The following MYCBP2 variants were observed in gnomAD, a reference collection of about 807,000 sequenced individuals.
MYCBP2 encodes MYC binding protein 2.
Under a neutral mutation model 525.3 loss-of-function variants are expected in MYCBP2, and 120 were observed. The observed-to-expected ratio is 0.23, with a 90% CI of 0.20 to 0.27. MYCBP2 has a LOEUF of 0.27. Ranked by LOEUF, MYCBP2 falls within the 10% of genes least tolerant of loss-of-function variation. The pLI, the probability that MYCBP2 is intolerant of heterozygous loss-of-function variation, is 1.00. For synonymous variants in MYCBP2, 1,894 were observed against 1,955.8 expected (o/e 0.97, Z 0.83); for missense variants, 4,149 against 5,657.1 (o/e 0.73, Z 8.55).
intron 14 of MYCBP2, among the ~76,000 whole-genome samples, chr13:77,252,947 A>C (rs1187751264): frequency 6.6e-6 from 1 of 152,098 alleles, no homozygotes; most frequent in African/African-American, 2.4e-5. Flanking sequence ...CAGTCAATGG[A>C]ATCTCAATCA....
Position 77,277,985 on chromosome 13 carries a change from A to G in MYCBP2, c.748+773T>C, listed in dbSNP as rs1347358385. Among the ~76,000 whole-genome samples, 3 of 152,222 alleles carry G rather than the reference A, an allele frequency of 2.0e-5. No individual in the cohort carries two copies. The South Asian group carries it at 6.2e-4, about 31-fold the overall frequency. On this transcript the variant is annotated intron_variant, in intron 4 of 82. Transcript: ENST00000544440. The stretch of plus-strand genomic sequence containing the variant: ...GCTCCTATCTTATTTAAAGGATTAC[A>G]TGTTGAGTCTGGGTCACTGATATGA...
chr13:77,063,558 C>CAAAAAA (rs67648208), intron 73 of MYCBP2, among the ~76,000 whole-genome samples: 5 of 67,428 alleles, frequency 7.4e-5, no homozygotes, highest in East Asian at 4.3e-4. Context: ...AACTCTGTCT[C>CAAAAAA]AAAAAAAAAA....
intron 37 of MYCBP2, 42 bp downstream of exon 37, chr13:77,174,269 A>G (rs773429437): frequency 3.6e-5 from 58 of 1,594,626 alleles, no homozygotes; most frequent in Non-Finnish European, 4.2e-5. Flanking sequence ...TGTATGTTCT[A>G]CCACTGTAAA....
chr13:77,173,413 T>C (rs545348110), intron 37 of MYCBP2, among the ~76,000 whole-genome samples: 2 of 152,358 alleles, frequency 1.3e-5, no homozygotes, highest in South Asian at 4.1e-4. Context: ...AGAAAGCTTT[T>C]CTTGACTGGG....
At position 77,088,816 on chromosome 13, in the gene MYCBP2, A is replaced by G. The variant is rs1293759951; in HGVS notation, c.10725+16T>C. On this transcript the variant is annotated intron_variant, in intron 61 of 82. Transcript: ENST00000544440. ...GTATAATCAATGAATCAGTAATTTC[A>G]TTAATGTCTTCATACCTCCATAGCA... 1 of 1,593,422 alleles carries G rather than the reference A, an allele frequency of 6.3e-7. No homozygotes were observed. Among genetic ancestry groups the G allele is most frequent in the Non-Finnish European group, 8.6e-7 (1 of 1,164,514 alleles).
chr13:77,276,816 G>GTTTTTTTTTT (rs397851660), intron 4 of MYCBP2, among the ~76,000 whole-genome samples: 4 of 76,232 alleles, frequency 5.2e-5, no homozygotes, highest in African/African-American at 1.7e-4. Flanking sequence ...TCCATGCCCA[G>GTTTTTTTTTT]TTTTTTTTTT....
At chr13:77,209,909 C>G (rs2063771834) in intron 23 of MYCBP2, among the ~76,000 whole-genome samples, 1 of 152,178 alleles carries the variant, frequency 6.6e-6, no homozygotes, top group African/African-American at 2.4e-5. Context: ...TCATCTATCC[C>G]ATTGCTACCA....
Position 77,144,572 on chromosome 13 carries a change from T to A in MYCBP2, c.7188-12A>T. 1 of 1,556,172 alleles carries A rather than the reference T, an allele frequency of 6.4e-7. No homozygotes were observed. Among genetic ancestry groups the A allele is most frequent in the East Asian group, 2.2e-5 (1 of 44,592 alleles). On this transcript the variant is annotated splice_polypyrimidine_tract_variant and intron_variant, in intron 48 of 82. Coordinates refer to ENST00000544440, the MANE Select transcript of MYCBP2 (RefSeq NM_015057.5). ...TATTCTCACTGGGTCTGAAAAGAAA[T>A]AAGATGGATATTGGAAATTTTACTT...
chr13:77,297,528 G>C (rs1468354279), intron 1 of MYCBP2, among the ~76,000 whole-genome samples: 1 of 152,098 alleles, frequency 6.6e-6, no homozygotes, highest in Admixed American at 6.6e-5. Flanking sequence ...AAGGGGTCAA[G>C]TCCTTAAGAT....
intron 43 of MYCBP2, among the ~76,000 whole-genome samples, chr13:77,162,900 C>A (rs941462285): frequency 1.1e-4 from 16 of 152,138 alleles, no homozygotes; most frequent in African/African-American, 3.9e-4. Flanking sequence ...TGTGATCCAC[C>A]CACCTTGGCC....
intron 58 of MYCBP2, 59 bp downstream of exon 58, chr13:77,095,299 C>T (rs2046072290): frequency 6.3e-7 from 1 of 1,589,496 alleles, no homozygotes; most frequent in African/African-American, 1.3e-5. Context: ...CCCTAGATAT[C>T]AATAAACAAT....
At position 77,051,073 on chromosome 13, in the gene MYCBP2, A is replaced by G. The variant is rs2036700668; in HGVS notation, c.13845T>C (p.His4615=). 6.2e-7 allele frequency: 1 copy of G among 1,613,398 alleles called. No homozygotes were observed. The highest frequency in any genetic ancestry group is 8.5e-7 in the Non-Finnish European group (1 of 1,179,756). ...AATCATCATGACAAGCATTACAAAA[A>G]TGTGTTGTTCCAAAACAGAAAAAAA... ...VAVFFCFGTT[H]FCNACHDDFQ... Residue 4615 remains histidine (H), a synonymous_variant, in exon 82 of 83, where the codon CAT becomes CAC. Coordinates refer to ENST00000544440, the MANE Select transcript of MYCBP2 (RefSeq NM_015057.5).
At chr13:77,146,827 T>G (rs1260423896) in intron 47 of MYCBP2, among the ~76,000 whole-genome samples, 2 of 152,166 alleles carry the variant, frequency 1.3e-5, no homozygotes, top group African/African-American at 4.8e-5. Context: ...CGTGGGAGTG[T>G]GAGTTTTGGC....
intron 14 of MYCBP2, among the ~76,000 whole-genome samples, chr13:77,257,278 T>C (rs189790813): frequency 1.5e-3 from 231 of 152,118 alleles, no homozygotes; most frequent in African/African-American, 5.3e-3. Flanking sequence ...GGATGGTTAG[T>C]TGGCACAAAA....
intron 3 of MYCBP2, among the ~76,000 whole-genome samples, chr13:77,285,884 GAAAGGAAAGGAAAGC>G (rs1259950127): frequency 0.056 from 4,191 of 75,098 alleles, 219 homozygotes; most frequent in African/African-American, 0.13. Context: ...GAAAGGAAAG[GAAAGGAAAGGAAAGC>G]AAAGGAAAGC....
chr13:77,274,775 T>C (rs373501431), intron 4 of MYCBP2, among the ~76,000 whole-genome samples: 24 of 152,324 alleles, frequency 1.6e-4, no homozygotes, highest in East Asian at 1.3e-3. Flanking sequence ...TTTGCCCCAA[T>C]AGCCAGGGAG....
At chr13:77,122,107 G>A (rs2154159209) in intron 54 of MYCBP2, among the ~76,000 whole-genome samples, 1 of 151,764 alleles carries the variant, frequency 6.6e-6, no homozygotes, top group Admixed American at 6.6e-5. Context: ...AGCAGAAAAT[G>A]GCAAATGTTT....
At chr13:77,262,464 G>C (rs2073461354) in intron 10 of MYCBP2, among the ~76,000 whole-genome samples, 1 of 151,866 alleles carries the variant, frequency 6.6e-6, no homozygotes, top group Non-Finnish European at 1.5e-5. Context: ...TAGGTACCAG[G>C]CATTATACAA....
chr13:77,131,121 C>T (rs1016510985), intron 52 of MYCBP2, among the ~76,000 whole-genome samples: 2 of 152,126 alleles, frequency 1.3e-5, no homozygotes, highest in African/African-American at 2.4e-5. Context: ...TTAATTCACA[C>T]TGGTTTACCC....
Sources: gnomAD v4.1 joint callset for allele counts (sites outside exome capture counted in the v4.1 genomes callset) on GRCh38, gnomAD v4.1.1 for gene constraint, MANE v1.5 for transcripts, NCBI Gene and HGNC (gene_info 2026-07-23, HGNC 2026-07-21) for gene names.